The following RB1 variants were observed in gnomAD, a reference collection of about 807,000 sequenced individuals.
RB1 encodes RB transcriptional corepressor 1.
In RB1, 18 loss-of-function variants were observed where a neutral mutation model predicts 135.4. That is an observed-to-expected ratio of 0.13 (90% CI 0.09 to 0.20). The LOEUF (loss-of-function observed/expected upper bound fraction) is 0.20. Among genes scored for constraint, RB1 ranks in the 10% least tolerant of loss-of-function variants. The pLI, the probability that RB1 is intolerant of heterozygous loss-of-function variation, is 1.00. For missense variants in RB1, 868 were observed against 1,110.0 expected, an observed-to-expected ratio of 0.78 and a Z score of 3.10; for synonymous variants, 365 against 373.2, an observed-to-expected ratio of 0.98 and a Z score of 0.25.
intron 23 of RB1, among the ~76,000 whole-genome samples, 189 bp from the exon 24 acceptor site, chr13:48,473,171 G>A (rs1949482744): frequency 6.6e-6 from 1 of 152,078 alleles, no homozygotes; most frequent in South Asian, 2.1e-4. Flanking sequence ...TAAGAGACTA[G>A]GTGAGTATAT....
chr13:48,480,345 T>G lies in RB1; in HGVS notation c.*274T>G. ...GTTTCCTCTTCCAAAGTAAAATTGC[T>G]GTGCTTTATGGATAGTAAGAATGGC... On this transcript the variant is annotated 3_prime_UTR_variant, in exon 27 of 27. Transcript: ENST00000267163. 2.0e-6 allele frequency: 1 copy of G among 501,500 alleles called. No homozygotes were observed. Among genetic ancestry groups the G allele is most frequent in the East Asian group, 3.4e-5 (1 of 29,308 alleles). 31.1% of individuals were successfully genotyped at this position (501,500 alleles called of 1,614,324 possible).
At chr13:48,349,496 T>C (rs148704195) in intron 6 of RB1, among the ~76,000 whole-genome samples, 216 of 152,024 alleles carry the variant, frequency 1.4e-3, no homozygotes, top group African/African-American at 4.9e-3. Context: ...AAGATAGTAT[T>C]TGCAAGCCTC....
At position 48,317,945 on chromosome 13, in the gene RB1, G is replaced by T. The variant is rs190204133; in HGVS notation, c.264+10539G>T. 1,360 of 443,616 alleles carry T rather than the reference G, an allele frequency of 3.1e-3. 27 individuals are homozygous for T. The highest frequency in any genetic ancestry group is 0.022 in the African/African-American group (1,169 of 53,518). 27.5% of individuals were successfully genotyped at this position (443,616 alleles called of 1,614,324 possible). ...ACTTCTGAACTGCTCAGACTCCTTG[G>T]CCTTTTCCGCCAAAAACTTACTAAT... On this transcript the variant is annotated intron_variant, in intron 2 of 26. Coordinates refer to ENST00000267163, the MANE Select transcript of RB1 (RefSeq NM_000321.3).
At chr13:48,344,239 T>G (rs975885163) in intron 3 of RB1, among the ~76,000 whole-genome samples, 13 of 152,256 alleles carry the variant, frequency 8.5e-5, no homozygotes, top group Admixed American at 8.5e-4. Flanking sequence ...CTTAAATTAT[T>G]TAAATCAACT....
Position 48,368,562 on chromosome 13 carries a change from TTGA to T in RB1, c.1089_1091del (p.Asp363del), listed in dbSNP as rs759489675. 1 of 1,613,574 alleles carries T rather than the reference TTGA, an allele frequency of 6.2e-7. No homozygotes were observed. Among genetic ancestry groups the T allele is most frequent in the Non-Finnish European group, 8.5e-7 (1 of 1,179,736 alleles). On this transcript the variant is annotated inframe_deletion, in exon 11 of 27. Coordinates refer to ENST00000267163, the MANE Select transcript of RB1 (RefSeq NM_000321.3). Reference sequence around the variant, plus strand: ...CAGAGAACACCACGAAAAAGTAACCTTGATGAAGAGGTGAATGTAATTCCTCCA... The same window carrying T: ...CAGAGAACACCACGAAAAAGTAACCTTGAAGAGGTGAATGTAATTCCTCCA...
chr13:48,446,766 A>G (rs1184723615), intron 17 of RB1, among the ~76,000 whole-genome samples: 1 of 152,244 alleles, frequency 6.6e-6, no homozygotes, highest in Admixed American at 6.5e-5. Flanking sequence ...AAAGATGACC[A>G]GGATGGCTGG....
intron 17 of RB1, among the ~76,000 whole-genome samples, chr13:48,446,430 A>G (rs1227298959): frequency 1.3e-5 from 2 of 152,222 alleles, no homozygotes; most frequent in Non-Finnish European, 1.5e-5. Context: ...AATAAGATAG[A>G]CAAAGCCCAA....
At chr13:48,363,719 A>G (rs1039745857) in intron 8 of RB1, among the ~76,000 whole-genome samples, 2 of 152,220 alleles carry the variant, frequency 1.3e-5, no homozygotes, top group Non-Finnish European at 2.9e-5. Context: ...GAGAATACAT[A>G]TGAATTCCCA....
chr13:48,307,923 G>C (rs904386497), intron 2 of RB1, among the ~76,000 whole-genome samples: 1 of 149,908 alleles, frequency 6.7e-6, no homozygotes, highest in Non-Finnish European at 1.5e-5. Context: ...CTATTTTAAA[G>C]CAGGTCTTAG....
intron 16 of RB1, 81 bp from the exon 17 acceptor site, chr13:48,381,166 T>C: frequency 6.7e-7 from 1 of 1,496,020 alleles, no homozygotes; most frequent in Non-Finnish European, 8.9e-7. Context: ...CTGTTTTCTT[T>C]GTCTGATAAT....
intron 17 of RB1, among the ~76,000 whole-genome samples, chr13:48,387,231 C>T (rs370635541): frequency 1.2e-3 from 186 of 152,136 alleles, no homozygotes; most frequent in African/African-American, 4.1e-3. Flanking sequence ...ATTGTTCTAT[C>T]TTTTTTGTTT....
chr13:48,455,681 A>T (rs1042041623), intron 18 of RB1, among the ~76,000 whole-genome samples: 4 of 152,202 alleles, frequency 2.6e-5, no homozygotes, highest in African/African-American at 9.7e-5. Flanking sequence ...CTCTGCCTTG[A>T]GTTATGCCTG....
At chr13:48,431,360 G>C (rs1455519027) in intron 17 of RB1, among the ~76,000 whole-genome samples, 1 of 152,020 alleles carries the variant, frequency 6.6e-6, no homozygotes, top group Admixed American at 6.6e-5. Context: ...CTAGTGCTAT[G>C]AACATTAAAG....
intron 9 of RB1, among the ~76,000 whole-genome samples, chr13:48,366,302 A>C (rs1593447567): frequency 6.6e-6 from 1 of 152,184 alleles, no homozygotes; most frequent in Non-Finnish European, 1.5e-5. Context: ...TTTTTCTCCA[A>C]TATTTCACAT....
intron 2 of RB1, among the ~76,000 whole-genome samples, chr13:48,326,748 G>A (rs1294712557): frequency 2.6e-5 from 4 of 151,938 alleles, no homozygotes; most frequent in African/African-American, 9.7e-5. Flanking sequence ...CCAATAAAAC[G>A]GTCTGAAGCT....
chr13:48,453,736 C>G (rs1949343324), intron 18 of RB1, among the ~76,000 whole-genome samples: 1 of 152,018 alleles, frequency 6.6e-6, no homozygotes, highest in Non-Finnish European at 1.5e-5. Context: ...GAAAGTCAGT[C>G]TGGAGGGGAA....
chr13:48,380,833 T>C (rs2138144076), intron 16 of RB1, among the ~76,000 whole-genome samples: 1 of 152,282 alleles, frequency 6.6e-6, no homozygotes, highest in East Asian at 1.9e-4. Context: ...TGAATCCTCA[T>C]TTATAACCAA....
chr13:48,319,271 T>C lies in RB1; in HGVS notation c.264+11865T>C, dbSNP rs1952213598. 1 of 809,384 alleles carries C rather than the reference T, an allele frequency of 1.2e-6. No individual in the cohort carries two copies. The highest frequency in any genetic ancestry group is 1.9e-6 in the Non-Finnish European group (1 of 534,650). The allele number at this position is 809,384 out of a possible 1,614,324, so 50.1% of individuals were successfully genotyped here. ...AGGCACTTTTTTGTGGCGCTGCTTG[T>C]GCTGTGTGCGGGGTCAGGCGTCCTC... On this transcript the variant is annotated intron_variant, in intron 2 of 26. Transcript: ENST00000267163. The surrounding 1 kb of genome is among the most constrained non-coding windows in gnomAD (Gnocchi z 5.0).
At chr13:48,376,166 A>G (rs1297133421) in intron 12 of RB1, among the ~76,000 whole-genome samples, 1 of 152,166 alleles carries the variant, frequency 6.6e-6, no homozygotes, top group Non-Finnish European at 1.5e-5. Context: ...ATGTAATCAA[A>G]TGATTTAGCT....
Sources: gnomAD v4.1 joint callset for allele counts (sites outside exome capture counted in the v4.1 genomes callset) on GRCh38, gnomAD v4.1.1 for gene constraint, Gnocchi (gnomAD v3.1) non-coding constraint, MANE v1.5 for transcripts, NCBI Gene and HGNC (gene_info 2026-07-23, HGNC 2026-07-21) for gene names.